Variants in TMEM132C observed in about 807,000 individuals in gnomAD.
TMEM132C encodes transmembrane protein 132C.
In TMEM132C, 29 loss-of-function variants were observed where a neutral mutation model predicts 61.4. That is an observed-to-expected ratio of 0.47 (90% confidence interval 0.35 to 0.64). The LOEUF (loss-of-function observed/expected upper bound fraction) is 0.64, where lower values mean the gene tolerates loss of function less well. Among genes scored for constraint, TMEM132C ranks in the 30% least tolerant of loss-of-function variants. The probability of loss-of-function intolerance (pLI) is 0.00; values close to 1 mark genes in which losing one functional copy is unlikely to be tolerated. For missense variants in TMEM132C, 1,408 were observed against 1,476.9 expected (o/e 0.95, Z 0.76); for synonymous variants, 656 against 633.1 (o/e 1.04, Z -0.54).
chr12:128,693,108 C>T (rs1954731846), intron 5 of TMEM132C, among the ~76,000 whole-genome samples: 1 of 152,174 alleles, frequency 6.6e-6, no homozygotes, highest in East Asian at 1.9e-4. Flanking sequence ...TGGGAAGGTG[C>T]TCCCAGGCAC....
intron 4 of TMEM132C, among the ~76,000 whole-genome samples, chr12:128,645,511 C>T (rs1359635573): frequency 6.6e-6 from 1 of 152,180 alleles, no homozygotes; most frequent in Non-Finnish European, 1.5e-5. Flanking sequence ...TTTCTATGGT[C>T]ACACCCCCAA....
chr12:128,442,624 C>T (rs888126839), intron 2 of TMEM132C, among the ~76,000 whole-genome samples: 6 of 150,338 alleles, frequency 4.0e-5, no homozygotes, highest in South Asian at 4.2e-4. Context: ...AACAAAAGAA[C>T]GGTGACAAAT....
intron 3 of TMEM132C, among the ~76,000 whole-genome samples, chr12:128,587,599 CA>C (rs1565982892): frequency 1.3e-5 from 2 of 152,212 alleles, no homozygotes; most frequent in South Asian, 4.1e-4. Flanking sequence ...GGCATTAAGC[CA>C]ATCAAATCAC....
chr12:128,486,655 G>A (rs1292830535), intron 2 of TMEM132C, among the ~76,000 whole-genome samples: 1 of 151,950 alleles, frequency 6.6e-6, no homozygotes, highest in Non-Finnish European at 1.5e-5. Flanking sequence ...TCTCACCATC[G>A]TTGAAGAAAC....
intron 1 of TMEM132C, among the ~76,000 whole-genome samples, chr12:128,313,760 G>A (rs1395264290): frequency 6.6e-6 from 1 of 152,210 alleles, no homozygotes; most frequent in Non-Finnish European, 1.5e-5. Context: ...TGGCAGTGAG[G>A]ATTTCTGCTC....
intron 1 of TMEM132C, chr12:128,288,621 C>G (rs1055181913): frequency 6.6e-6 from 1 of 152,208 alleles, no homozygotes; most frequent in African/African-American, 2.4e-5. Flanking sequence ...CAGCATGACA[C>G]AGAGCTGGTG....
At chr12:128,268,883 GA>G (rs1164258215) in intron 1 of TMEM132C, among the ~76,000 whole-genome samples, 22 of 122,440 alleles carry the variant, frequency 1.8e-4, no homozygotes, top group African/African-American at 5.0e-4. Flanking sequence ...GGTGGGGTGA[GA>G]GAGGGGGGGG....
At chr12:128,371,504 T>C (rs967916733) in intron 1 of TMEM132C, among the ~76,000 whole-genome samples, 6 of 152,238 alleles carry the variant, frequency 3.9e-5, no homozygotes, top group African/African-American at 1.4e-4. Flanking sequence ...GCATTGGAAA[T>C]GTTGAGGCTT....
intron 2 of TMEM132C, among the ~76,000 whole-genome samples, chr12:128,475,288 TC>T (rs1318876550): frequency 7.2e-5 from 11 of 152,170 alleles, no homozygotes; most frequent in Non-Finnish European, 1.3e-4. Context: ...ACATAAAAGG[TC>T]ACATATTGTA....
chr12:128,648,178 A>C (rs1486667928), intron 4 of TMEM132C, among the ~76,000 whole-genome samples: 1 of 150,886 alleles, frequency 6.6e-6, no homozygotes, highest in Non-Finnish European at 1.5e-5. Context: ...GTTAAATATG[A>C]GTGTGTTTAC....
At chr12:128,578,287 C>T (rs1443326721) in intron 3 of TMEM132C, among the ~76,000 whole-genome samples, 3 of 152,146 alleles carry the variant, frequency 2.0e-5, no homozygotes, top group East Asian at 1.9e-4. Flanking sequence ...TGCCTGGAAG[C>T]GAGGCAGGCT....
chr12:128,447,603 T>G (rs1870024803), intron 2 of TMEM132C, among the ~76,000 whole-genome samples: 1 of 151,944 alleles, frequency 6.6e-6, no homozygotes, highest in Non-Finnish European at 1.5e-5. Context: ...TAATTTCAAA[T>G]TGCCAACTGG....
rs1872509743 is a variant in TMEM132C at position 128,326,178 on chromosome 12, A to G, written c.85+58691A>G. On this transcript the variant is annotated intron_variant, in intron 1 of 8. Coordinates refer to ENST00000435159, the MANE Select transcript of TMEM132C (RefSeq NM_001136103.3). This position sits in a 1 kb window ranked among gnomAD's most constrained non-coding sequence, Gnocchi z 5.6. ...TTATTGTTTTTATGAGGGTGAGGGA[A>G]CTGTACAATTATTTATCAAATTGCA... Among the ~76,000 whole-genome samples, 1 of 151,976 alleles carries G rather than the reference A, an allele frequency of 6.6e-6. No homozygotes were observed. The highest frequency in any genetic ancestry group is 2.4e-5 in the African/African-American group (1 of 41,394).
intron 1 of TMEM132C, among the ~76,000 whole-genome samples, chr12:128,338,180 T>C (rs945243198): frequency 6.6e-6 from 1 of 152,108 alleles, no homozygotes; most frequent in Non-Finnish European, 1.5e-5. Flanking sequence ...TAAAGTTGTC[T>C]CTTTAATAGG....
intron 1 of TMEM132C, among the ~76,000 whole-genome samples, chr12:128,287,669 T>C (rs1442159184): frequency 6.6e-6 from 1 of 152,232 alleles, no homozygotes; most frequent in Non-Finnish European, 1.5e-5. Context: ...GGCATTGCTA[T>C]GGTACTATTA....
intron 8 of TMEM132C, among the ~76,000 whole-genome samples, chr12:128,702,767 G>A (rs530745002): frequency 5.9e-5 from 9 of 152,326 alleles, no homozygotes; most frequent in South Asian, 2.1e-4. Context: ...TGCTCAGAGC[G>A]CACACAAGCT....
At chr12:128,284,380 G>A (rs925388526) in intron 1 of TMEM132C, among the ~76,000 whole-genome samples, 9 of 152,194 alleles carry the variant, frequency 5.9e-5, no homozygotes, top group Non-Finnish European at 1.0e-4. Flanking sequence ...ACATTTGTTA[G>A]TCCTACAACT....
chr12:128,557,559 C>G (rs546464100), intron 3 of TMEM132C, among the ~76,000 whole-genome samples: 9 of 152,274 alleles, frequency 5.9e-5, no homozygotes, highest in Admixed American at 2.0e-4. Flanking sequence ...AACCATGCCT[C>G]TGTTACTGGT....
chr12:128,273,582 C>A (rs1021644265), intron 1 of TMEM132C, among the ~76,000 whole-genome samples: 2 of 152,004 alleles, frequency 1.3e-5, no homozygotes, highest in African/African-American at 4.8e-5. Flanking sequence ...CTATTTTGCT[C>A]ATTGTTTTAT....
Sources: gnomAD v4.1 joint callset for allele counts (sites outside exome capture counted in the v4.1 genomes callset) on GRCh38, gnomAD v4.1.1 for gene constraint, Gnocchi (gnomAD v3.1) non-coding constraint, MANE v1.5 for transcripts, NCBI Gene and HGNC (gene_info 2026-07-23, HGNC 2026-07-21) for gene names.